The following KAZN variants were observed in gnomAD, a reference collection of about 807,000 sequenced individuals.
KAZN encodes kazrin.
Under a neutral mutation model 87.4 loss-of-function variants are expected in KAZN, and 40 were observed. That is an observed-to-expected ratio of 0.46 (90% CI 0.36 to 0.60). The LOEUF (loss-of-function observed/expected upper bound fraction) is 0.60. KAZN is among the 20% of genes least tolerant of loss of function. KAZN has a pLI of 0.00. For synonymous variants in KAZN, 466 were observed against 458.3 expected (o/e 1.02, Z -0.22); for missense variants, 898 against 1,073.9 (o/e 0.84, Z 2.29).
chr1:14,235,212 T>C (rs1648291965), intron 2 of KAZN, among the ~76,000 whole-genome samples: 1 of 152,122 alleles, frequency 6.6e-6, no homozygotes, highest in South Asian at 2.1e-4. Flanking sequence ...AAACAAAATG[T>C]GGTATAACCA....
chr1:14,567,331 TCATGG>T (rs1364715741), intron 2 of KAZN, among the ~76,000 whole-genome samples: 2 of 152,198 alleles, frequency 1.3e-5, no homozygotes. Context: ...TTGTTGTGGT[TCATGG>T]CACCCCAAAA....
intron 2 of KAZN, among the ~76,000 whole-genome samples, chr1:14,476,903 C>A (rs2148381852): frequency 6.6e-6 from 1 of 152,298 alleles, no homozygotes; most frequent in South Asian, 2.1e-4. Flanking sequence ...CTTGTTCCTG[C>A]CACAAGGCCT....
At chr1:14,243,644 T>C (rs1326923468) in intron 2 of KAZN, among the ~76,000 whole-genome samples, 1 of 152,204 alleles carries the variant, frequency 6.6e-6, no homozygotes, top group Admixed American at 6.5e-5. Flanking sequence ...TGTTAAGTGT[T>C]CTTACCACAA....
At position 14,784,969 on chromosome 1, in the gene KAZN, C is replaced by CTT. The variant is rs143932268; in HGVS notation, c.227-175698_227-175697dup. Among the ~76,000 whole-genome samples the CTT allele has an allele frequency of 3.3e-3, 454 of 136,084 alleles. 2 individuals are homozygous for CTT. Among genetic ancestry groups the CTT allele is most frequent in the African/African-American group, 0.011 (404 of 37,186 alleles). The allele number at this position is 136,084 out of a possible 152,430, so 89.3% of individuals were successfully genotyped here. A position where few individuals can be genotyped will look rare whatever the true frequency, so the allele number is the denominator to read the frequency against. The stretch of plus-strand genomic sequence containing the variant: ...ATTTTGATCTCGGCTAGACTGCTTA[C>CTT]TTTTTTTTTTTTTTTTTTAAGCTGT... On this transcript the variant is annotated intron_variant, in intron 1 of 14. Coordinates refer to ENST00000376030, the MANE Select transcript of KAZN (RefSeq NM_201628.3).
intron 2 of KAZN, among the ~76,000 whole-genome samples, chr1:14,368,756 G>A (rs903213101): frequency 2.0e-5 from 3 of 152,146 alleles, no homozygotes; most frequent in African/African-American, 7.2e-5. Flanking sequence ...TTCAACAATC[G>A]ATTTTTATAG....
chr1:13,954,328 CT>C (rs1249844316), intron 1 of KAZN, among the ~76,000 whole-genome samples: 2 of 152,194 alleles, frequency 1.3e-5, no homozygotes, highest in Admixed American at 1.3e-4. Context: ...ATTCTGGGAG[CT>C]TTTTTGTTGA....
intron 1 of KAZN, among the ~76,000 whole-genome samples, chr1:13,946,101 C>T (rs774145810): frequency 6.6e-6 from 1 of 152,182 alleles, no homozygotes; most frequent in Non-Finnish European, 1.5e-5. Flanking sequence ...CCAGAGTTAG[C>T]TTTTCTGTAT....
chr1:14,652,334 T>C (rs12567450), intron 1 of KAZN, among the ~76,000 whole-genome samples: 41,184 of 151,864 alleles, frequency 0.27, 5,831 homozygotes, highest in South Asian at 0.36. Context: ...ATTATCTTCA[T>C]TCTTCATTAT....
At chr1:14,420,365 G>A (rs115348821) in intron 2 of KAZN, among the ~76,000 whole-genome samples, 10,775 of 152,246 alleles carry the variant, frequency 0.071, 591 homozygotes, top group South Asian at 0.11. Flanking sequence ...TACAAACCTT[G>A]AGCTAGGCGT....
chr1:14,412,963 A>T (rs1036276188), intron 2 of KAZN, among the ~76,000 whole-genome samples: 34 of 148,680 alleles, frequency 2.3e-4, no homozygotes, highest in African/African-American at 7.8e-4. Context: ...TAAATATATA[A>T]AATGTATAAA....
At chr1:14,664,754 C>T (rs1057274743) in intron 1 of KAZN, among the ~76,000 whole-genome samples, 6 of 151,038 alleles carry the variant, frequency 4.0e-5, no homozygotes, top group Admixed American at 6.6e-5. Flanking sequence ...CCCAGGTTCA[C>T]GGTATTCTCC....
At chr1:14,405,336 A>C (rs898106024) in intron 2 of KAZN, among the ~76,000 whole-genome samples, 2 of 152,244 alleles carry the variant, frequency 1.3e-5, no homozygotes, top group Admixed American at 1.3e-4. Context: ...TGTATGATTT[A>C]CAAAGCATTG....
At chr1:14,365,015 T>C (rs1472506487) in intron 2 of KAZN, among the ~76,000 whole-genome samples, 3 of 151,822 alleles carry the variant, frequency 2.0e-5, no homozygotes, top group Admixed American at 2.0e-4. Context: ...AGTGCTGGAA[T>C]TGTAGGCATG....
At chr1:14,180,129 ATTTTT>A (rs113718963) in intron 1 of KAZN, among the ~76,000 whole-genome samples, 1 of 148,660 alleles carries the variant, frequency 6.7e-6, no homozygotes, top group Admixed American at 6.7e-5. Flanking sequence ...TAACACCTTG[ATTTTT>A]TTTTTTAAGT....
rs549982683 is a variant in KAZN at position 14,201,456 on chromosome 1, C to A, written c.249+20864C>A. 3.3e-5 allele frequency among the ~76,000 whole-genome samples: 5 copies of A among 152,318 alleles called. No homozygotes were observed. The East Asian group carries it at 9.7e-4, about 29-fold the overall frequency. ...GCACTGGGCCCTGGCTGCCCCGGAG[C>A]AGCTGGTGGAGCCTGGCGGCTGCTC... On this transcript the variant is annotated intron_variant, in intron 2 of 16. Coordinates refer to the KAZN transcript ENST00000636203.
At chr1:13,929,703 T>C (rs1175324970) in intron 1 of KAZN, among the ~76,000 whole-genome samples, 1 of 152,062 alleles carries the variant, frequency 6.6e-6, no homozygotes, top group Non-Finnish European at 1.5e-5. Context: ...GTGGTTGGCA[T>C]AGGAAAGGGA....
At chr1:14,103,987 T>C (rs1436988798) in intron 1 of KAZN, among the ~76,000 whole-genome samples, 1 of 152,092 alleles carries the variant, frequency 6.6e-6, no homozygotes, top group African/African-American at 2.4e-5. Flanking sequence ...TAGGCAAAAA[T>C]CGACATTATA....
At chr1:13,988,700 G>A (rs991286038) in intron 1 of KAZN, among the ~76,000 whole-genome samples, 2 of 152,178 alleles carry the variant, frequency 1.3e-5, no homozygotes, top group African/African-American at 2.4e-5. Flanking sequence ...TGGGCTTGGT[G>A]AGCATGTAAC....
intron 2 of KAZN, among the ~76,000 whole-genome samples, chr1:14,988,353 C>T (rs991061304): frequency 6.6e-6 from 1 of 152,238 alleles, no homozygotes; most frequent in Non-Finnish European, 1.5e-5. Flanking sequence ...AGACACGGAG[C>T]CCCCAGGGGC....
Sources: gnomAD v4.1 joint callset for allele counts (sites outside exome capture counted in the v4.1 genomes callset) on GRCh38, gnomAD v4.1.1 for gene constraint, MANE v1.5 for transcripts, NCBI Gene and HGNC (gene_info 2026-07-23, HGNC 2026-07-21) for gene names.